ZNF438: variants seen among roughly 807,000 people sequenced by gnomAD.
ZNF438 encodes the protein zinc finger protein 438.
ZNF438 carries 25 observed loss-of-function variants against 38.0 expected under a neutral mutation model. That is an observed-to-expected ratio of 0.66 (90% CI 0.48 to 0.92). ZNF438 has a LOEUF of 0.92. Among genes scored for constraint, ZNF438 ranks in the 40% least tolerant of loss-of-function variants. ZNF438 has a pLI of 0.00. For missense variants in ZNF438, 1,007 were observed against 999.6 expected (o/e 1.01, Z -0.10); for synonymous variants, 372 against 364.1 (o/e 1.02, Z -0.25).
intron 1 of ZNF438, among the ~76,000 whole-genome samples, chr10:30,985,688 C>G (rs2052696564): frequency 6.6e-6 from 1 of 152,160 alleles, no homozygotes; most frequent in Non-Finnish European, 1.5e-5. Flanking sequence ...ACCGTTGGTT[C>G]TCCTTATTCA....
At chr10:31,019,383 AGTT>A (rs1225725018) in intron 1 of ZNF438, among the ~76,000 whole-genome samples, 1 of 152,270 alleles carries the variant, frequency 6.6e-6, no homozygotes, top group Non-Finnish European at 1.5e-5. Context: ...TGAAAGAAAA[AGTT>A]AAATAACATA....
At chr10:30,990,941 C>A (rs1223276618) in intron 1 of ZNF438, among the ~76,000 whole-genome samples, 5 of 150,904 alleles carry the variant, frequency 3.3e-5, no homozygotes, top group Admixed American at 2.0e-4. Flanking sequence ...TTCTCCCCAA[C>A]AAAAACAATT....
intron 1 of ZNF438, among the ~76,000 whole-genome samples, chr10:30,995,539 A>G (rs2053957417): frequency 6.6e-6 from 1 of 152,226 alleles, no homozygotes; most frequent in Non-Finnish European, 1.5e-5. Flanking sequence ...GTAACACCAA[A>G]CAGTAATTGG....
At chr10:30,972,734 G>T (rs1762253741) in intron 1 of ZNF438, among the ~76,000 whole-genome samples, 1 of 152,122 alleles carries the variant, frequency 6.6e-6, no homozygotes, top group South Asian at 2.1e-4. Context: ...CCTCATACTT[G>T]AATAGGAGGA....
At chr10:30,908,641 TA>T (rs2042802420) in intron 3 of ZNF438, among the ~76,000 whole-genome samples, 1 of 152,202 alleles carries the variant, frequency 6.6e-6, no homozygotes, top group Non-Finnish European at 1.5e-5. Context: ...ATGTTTTAAA[TA>T]CATGACTACA....
intron 1 of ZNF438, among the ~76,000 whole-genome samples, chr10:30,945,052 T>G (rs2135589260): frequency 6.6e-6 from 1 of 152,156 alleles, no homozygotes; most frequent in East Asian, 1.9e-4. Context: ...CCAGATTTTT[T>G]TTTTTTTTAC....
intron 1 of ZNF438, among the ~76,000 whole-genome samples, chr10:31,004,875 C>T (rs2054977861): frequency 6.6e-6 from 1 of 152,126 alleles, no homozygotes; most frequent in African/African-American, 2.4e-5. Context: ...TTCCTATATG[C>T]TTTTAACTGT....
chr10:31,031,709 C>T (rs2057306441), intron 1 of ZNF438, 124 bp downstream of exon 1: 1 of 152,960 alleles, frequency 6.5e-6, no homozygotes, highest in South Asian at 2.1e-4. Context: ...GACACCTGTC[C>T]CTTCGCCACA....
At chr10:30,972,500 A>T (rs1181108738) in intron 1 of ZNF438, among the ~76,000 whole-genome samples, 3 of 152,192 alleles carry the variant, frequency 2.0e-5, no homozygotes, top group Non-Finnish European at 2.9e-5. Flanking sequence ...TCTAGATTTT[A>T]GCCAATAAAG....
At chr10:30,968,769 G>C (rs2050426783) in intron 1 of ZNF438, among the ~76,000 whole-genome samples, 1 of 151,998 alleles carries the variant, frequency 6.6e-6, no homozygotes, top group Non-Finnish European at 1.5e-5. Flanking sequence ...TTATAGCCTA[G>C]CTATAGTGAA....
chr10:31,014,788 A>C (rs958466632), intron 1 of ZNF438, among the ~76,000 whole-genome samples: 1 of 152,184 alleles, frequency 6.6e-6, no homozygotes, highest in Non-Finnish European at 1.5e-5. Flanking sequence ...TGCATACAGT[A>C]AACATGCAAT....
chr10:30,854,411 A>G (rs1434923982), intron 4 of ZNF438, among the ~76,000 whole-genome samples: 1 of 152,230 alleles, frequency 6.6e-6, no homozygotes, highest in Non-Finnish European at 1.5e-5. Flanking sequence ...CAGGGCCTAC[A>G]GTGTCCAGTA....
At chr10:30,934,206 T>C (rs540030808) in intron 2 of ZNF438, among the ~76,000 whole-genome samples, 7 of 151,726 alleles carry the variant, frequency 4.6e-5, no homozygotes, top group Admixed American at 2.0e-4. Flanking sequence ...GAACCCTCTT[T>C]GGGATGTACC....
chr10:30,895,933 C>G (rs1029809067), intron 3 of ZNF438, among the ~76,000 whole-genome samples: 1 of 152,150 alleles, frequency 6.6e-6, no homozygotes, highest in African/African-American at 2.4e-5. Flanking sequence ...CTATGGAATA[C>G]TGTATAGCAG....
chr10:30,934,004 G>A (rs1379151068), intron 2 of ZNF438, among the ~76,000 whole-genome samples: 3 of 152,010 alleles, frequency 2.0e-5, no homozygotes, highest in East Asian at 3.9e-4. Flanking sequence ...AAATTAGCCG[G>A]GTGTGGTGGC....
intron 1 of ZNF438, among the ~76,000 whole-genome samples, chr10:30,982,961 T>C (rs113856216): frequency 1.8e-4 from 27 of 152,336 alleles, no homozygotes; most frequent in African/African-American, 6.0e-4. Flanking sequence ...ATCTACCATG[T>C]CTACTACTTG....
At chr10:30,948,044 G>A (rs1424595818) in intron 1 of ZNF438, among the ~76,000 whole-genome samples, 1 of 152,070 alleles carries the variant, frequency 6.6e-6, no homozygotes, top group African/African-American at 2.4e-5. Context: ...CTCCGCAGCT[G>A]GAGATCTCAG....
At chr10:30,872,522 G>A (rs1162169439) in intron 4 of ZNF438, among the ~76,000 whole-genome samples, 4 of 147,544 alleles carry the variant, frequency 2.7e-5, no homozygotes, top group Admixed American at 6.9e-5. Context: ...AGGCCGAGGC[G>A]GACAGATCAC....
intron 2 of ZNF438, among the ~76,000 whole-genome samples, chr10:30,916,645 T>C (rs2043671490): frequency 1.3e-5 from 2 of 152,060 alleles, no homozygotes; most frequent in Admixed American, 1.3e-4. Flanking sequence ...GAAGTATTCT[T>C]AAGTTTCTTG....
Sources: allele counts gnomAD v4.1 joint callset (sites outside exome capture counted in the v4.1 genomes callset), GRCh38; gene constraint gnomAD v4.1.1; transcripts MANE v1.5; gene names NCBI Gene and HGNC (gene_info 2026-07-23, HGNC 2026-07-21).